Variants in PDE11A observed in about 807,000 individuals in gnomAD.
PDE11A encodes dual 3',5'-cyclic-AMP and -GMP phosphodiesterase 11A.
In PDE11A, 100 loss-of-function variants were observed where a neutral mutation model predicts 100.5. The ratio of observed to expected loss-of-function variants is 1.00; its 90% CI spans 0.85 to 1.18. The LOEUF (loss-of-function observed/expected upper bound fraction) is 1.18, where lower values mean the gene tolerates loss of function less well. PDE11A is among the 50% of genes most tolerant of loss of function. The pLI is 0.00. For missense variants in PDE11A, 1,141 were observed against 1,152.6 expected, an observed-to-expected ratio of 0.99 and a Z score of 0.15; for synonymous variants, 381 against 420.8, an observed-to-expected ratio of 0.91 and a Z score of 1.16.
At chr2:177,870,675 G>A (rs1311903036) in intron 5 of PDE11A, among the ~76,000 whole-genome samples, 1 of 152,224 alleles carries the variant, frequency 6.6e-6, no homozygotes, top group African/African-American at 2.4e-5. Context: ...GCCAGGGCCA[G>A]GCTAACTGGG....
chr2:177,848,464 T>C (rs1414457950), intron 5 of PDE11A, among the ~76,000 whole-genome samples: 1 of 152,196 alleles, frequency 6.6e-6, no homozygotes, highest in African/African-American at 2.4e-5. Flanking sequence ...AAGAAATCCT[T>C]TATCTTGTTA....
intron 1 of PDE11A, among the ~76,000 whole-genome samples, chr2:178,036,510 A>C (rs2086616231): frequency 1.3e-5 from 2 of 152,158 alleles, no homozygotes; most frequent in Admixed American, 1.3e-4. Flanking sequence ...TCACAGAATT[A>C]GAAAAAAACT....
exon 2 of PDE11A, chr2:178,104,374 G>C: frequency 6.2e-7 from 1 of 1,614,062 alleles, no homozygotes; most frequent in Non-Finnish European, 8.5e-7. Context: ...AGGCCCCAGA[G>C]ATTTGGACCA....
At chr2:177,854,738 C>A (rs1231141443) in intron 5 of PDE11A, among the ~76,000 whole-genome samples, 1 of 152,018 alleles carries the variant, frequency 6.6e-6, no homozygotes, top group East Asian at 1.9e-4. Context: ...GCTTTGATAC[C>A]AAGAGGCAGA....
intron 2 of PDE11A, chr2:177,998,413 C>T: frequency 2.2e-6 from 2 of 900,396 alleles, no homozygotes; most frequent in Non-Finnish European, 1.9e-6. Context: ...CTCAACAGGG[C>T]ATTGTTCACT....
chr2:177,687,140 A>G (rs2080964532), intron 15 of PDE11A: 1 of 152,182 alleles, frequency 6.6e-6, no homozygotes, highest in Admixed American at 6.5e-5. Flanking sequence ...ATCATGTAAT[A>G]AATTTATTGT....
chr2:178,028,613 C>T (rs1056099274), intron 1 of PDE11A, among the ~76,000 whole-genome samples: 1 of 152,186 alleles, frequency 6.6e-6, no homozygotes, highest in Non-Finnish European at 1.5e-5. Context: ...ATTAGCTCCT[C>T]TTAGAACTGT....
intron 15 of PDE11A, among the ~76,000 whole-genome samples, chr2:177,682,284 T>C (rs2080877105): frequency 6.6e-6 from 1 of 152,164 alleles, no homozygotes; most frequent in Admixed American, 6.5e-5. Flanking sequence ...AACCAGTACA[T>C]CATACATGTA....
At chr2:177,637,999 T>TATATATATATATATATA (rs1559120768) in intron 19 of PDE11A, among the ~76,000 whole-genome samples, 9 of 35,354 alleles carry the variant, frequency 2.5e-4, no homozygotes, top group African/African-American at 9.3e-4. Flanking sequence ...ATATATATAT[T>TATATATATATATATATA]TTTTTTTTTT....
At chr2:177,967,005 C>T (rs537549827) in intron 2 of PDE11A, among the ~76,000 whole-genome samples, 1 of 151,852 alleles carries the variant, frequency 6.6e-6, no homozygotes, top group Admixed American at 6.6e-5. Flanking sequence ...GGTTGGTAGG[C>T]TTTTATTACT....
chr2:177,729,733 A>C (rs2081653120), intron 10 of PDE11A, among the ~76,000 whole-genome samples: 1 of 152,156 alleles, frequency 6.6e-6, no homozygotes, highest in African/African-American at 2.4e-5. Flanking sequence ...TCCCCCCTCC[A>C]ACTGAGTTTT....
In PDE11A at chr2:178,071,839, T is replaced by A; in HGVS notation, c.599A>T (p.Asn200Ile). ...CAATTCCAGAAAGAACTGACGCTCA[T>A]TATGCTTTTTCAGATGGCACTTGTA... ...IDYKCHLKKH[N>I]ERQFFLELVK... The change falls in exon 1 of 20, where the codon AAT becomes ATT. Residue 200 changes from asparagine to isoleucine, a missense_variant. Asn to Ile is a moderately radical substitution (Grantham distance 149). Transcript: ENST00000286063. The A allele has an allele frequency of 6.2e-7, 1 of 1,614,014 alleles. No individual in the cohort carries two copies. Among genetic ancestry groups the A allele is most frequent in the Non-Finnish European group, 8.5e-7 (1 of 1,179,906 alleles).
chr2:177,756,578 C>T (rs184558203), intron 10 of PDE11A, among the ~76,000 whole-genome samples: 38 of 152,270 alleles, frequency 2.5e-4, no homozygotes, highest in Admixed American at 1.2e-3. Context: ...CCACAGAAAT[C>T]ACAAAGCTTG....
chr2:177,736,130 G>T (rs1455040230), intron 10 of PDE11A, among the ~76,000 whole-genome samples: 1 of 152,116 alleles, frequency 6.6e-6, no homozygotes, highest in Non-Finnish European at 1.5e-5. Flanking sequence ...TGGGTCTAAT[G>T]GGTCTATCTA....
At chr2:177,908,518 GT>G (rs1265420884) in intron 2 of PDE11A, among the ~76,000 whole-genome samples, 1 of 152,198 alleles carries the variant, frequency 6.6e-6, no homozygotes, top group African/African-American at 2.4e-5. Flanking sequence ...ACTCTTGGTA[GT>G]GAAAGGGAGG....
chr2:177,665,255 T>G (rs920139225), intron 18 of PDE11A, among the ~76,000 whole-genome samples: 3 of 149,318 alleles, frequency 2.0e-5, no homozygotes, highest in Non-Finnish European at 3.0e-5. Context: ...GAGGATCACT[T>G]GAGCCCAAGA....
At chr2:177,806,420 A>G (rs1347664312) in intron 9 of PDE11A, among the ~76,000 whole-genome samples, 1 of 152,186 alleles carries the variant, frequency 6.6e-6, no homozygotes, top group Non-Finnish European at 1.5e-5. Flanking sequence ...GCTTCAGCCA[A>G]TCCCCAGCTA....
intron 9 of PDE11A, among the ~76,000 whole-genome samples, chr2:177,770,583 C>A (rs886547333): frequency 2.0e-5 from 3 of 152,074 alleles, no homozygotes; most frequent in Non-Finnish European, 4.4e-5. Flanking sequence ...AGCTGTAAAG[C>A]CTGGAGGTGC....
chr2:177,759,199 A>ACG (rs2082137385), intron 10 of PDE11A, among the ~76,000 whole-genome samples: 1 of 151,346 alleles, frequency 6.6e-6, no homozygotes, highest in African/African-American at 2.5e-5. Context: ...ACACACACAC[A>ACG]CACGCACACA....
Sources: allele counts gnomAD v4.1 joint callset (sites outside exome capture counted in the v4.1 genomes callset), GRCh38; gene constraint gnomAD v4.1.1; transcripts MANE v1.5; gene names NCBI Gene and HGNC (gene_info 2026-07-23, HGNC 2026-07-21).